HSF5: variants seen among roughly 807,000 people sequenced by gnomAD.
HSF5 encodes the protein heat shock factor protein 5.
Under a neutral mutation model 50.8 loss-of-function variants are expected in HSF5, and 5 were observed. The ratio of observed to expected loss-of-function variants is 0.10; its 90% CI spans 0.05 to 0.21. The LOEUF is 0.21. HSF5 is among the 10% of genes least tolerant of loss of function. The pLI, the probability that HSF5 is intolerant of heterozygous loss-of-function variation, is 1.00. For synonymous variants in HSF5, 307 were observed against 307.4 expected (o/e 1.00, Z 0.02); for missense variants, 564 against 762.6 (o/e 0.74, Z 3.07).
chr17:58,482,709 C>CAAAAAAAAAAA, intron 1 of HSF5, among the ~76,000 whole-genome samples: 1 of 13,460 alleles, frequency 7.4e-5, no homozygotes, highest in Non-Finnish European at 1.3e-4. Flanking sequence ...GACTCCATCT[C>CAAAAAAAAAAA]AAAAAAAAAA....
chr17:58,422,559 C>A, intron 5 of HSF5, 129 bp from the exon 6 acceptor site: 2 of 613,224 alleles, frequency 3.3e-6, no homozygotes, highest in Non-Finnish European at 5.6e-6. Flanking sequence ...ATAGTCCCAT[C>A]AGATTCTCAA....
chr17:58,468,630 A>G (rs931029877), intron 2 of HSF5, among the ~76,000 whole-genome samples: 41 of 152,188 alleles, frequency 2.7e-4, no homozygotes, highest in African/African-American at 9.9e-4. Context: ...TTTTTAAAAA[A>G]TAGCCGAAAT....
chr17:58,455,175 T>A (rs1974692567), intron 5 of HSF5, among the ~76,000 whole-genome samples: 1 of 152,140 alleles, frequency 6.6e-6, no homozygotes, highest in African/African-American at 2.4e-5. Flanking sequence ...AATAAATTTA[T>A]ACATTTATAG....
chr17:58,440,558 A>C (rs1042463854), intron 5 of HSF5, among the ~76,000 whole-genome samples: 1 of 152,218 alleles, frequency 6.6e-6, no homozygotes, highest in Non-Finnish European at 1.5e-5. Flanking sequence ...TACTATGTCC[A>C]GCATACAGCG....
At chr17:58,456,127 A>G (rs762666187) in intron 5 of HSF5, among the ~76,000 whole-genome samples, 8 of 146,194 alleles carry the variant, frequency 5.5e-5, no homozygotes, top group Non-Finnish European at 1.2e-4. Flanking sequence ...ATATATATAT[A>G]TATGTGTGTG....
rs965632864 is a variant in HSF5 at position 58,488,290 on chromosome 17, G to A, written c.-16C>T. ...GCGCCTCCATCGCCCCGCCGGGCCG[G>A]GGCCTCGCCCCCCGAGCCTAGCTCT... On this transcript the variant is annotated 5_prime_UTR_variant, in exon 1 of 6. Transcript: ENST00000323777. The surrounding 1 kb of genome is among the most constrained non-coding windows in gnomAD (Gnocchi z 4.1). The A allele has an allele frequency of 4.1e-6, 6 of 1,459,348 alleles. No homozygotes were observed. In the Admixed American group the frequency reaches 8.0e-5, roughly 20 times the overall value. The allele number at this position is 1,459,348 out of a possible 1,614,324, so 90.4% of individuals were successfully genotyped here.
At chr17:58,479,828 A>T (rs537414903) in intron 2 of HSF5, 65 bp downstream of exon 2, 2 of 1,357,698 alleles carry the variant, frequency 1.5e-6, no homozygotes, top group Non-Finnish European at 9.9e-7. Flanking sequence ...ATGCATTTAA[A>T]ATATATATAT....
At chr17:58,442,463 T>C (rs1974511382) in intron 5 of HSF5, among the ~76,000 whole-genome samples, 1 of 152,200 alleles carries the variant, frequency 6.6e-6, no homozygotes, top group African/African-American at 2.4e-5. Context: ...ATTATGATCT[T>C]TACTGTACAC....
In HSF5 at chr17:58,480,145, G is replaced by C; in HGVS notation, c.673C>G (p.Pro225Ala). Reference sequence around the variant, plus strand: ...TTCTGCCATATTCTATGAGGAACTGGGGTCCGATCTAAACCTTTCAGAGGG... The same window carrying C: ...TTCTGCCATATTCTATGAGGAACTGCGGTCCGATCTAAACCTTTCAGAGGG... ...TYPLKGLDRT[P>A]VPHRIWQNSL... is the part of the protein sequence containing the mutation. Residue 225 changes from proline (P) to alanine (A), a missense_variant, in exon 2 of 6, where the codon CCA (proline) becomes GCA (alanine). Physicochemically the swap from Pro to Ala is conservative, Grantham distance 27. Transcript: ENST00000323777. 2 of 1,614,172 alleles carry C rather than the reference G, an allele frequency of 1.2e-6. No individual in the cohort carries two copies. Among genetic ancestry groups the C allele is most frequent in the Non-Finnish European group, 1.7e-6 (2 of 1,180,040 alleles).
At chr17:58,431,930 G>C (rs1974369937) in intron 5 of HSF5, among the ~76,000 whole-genome samples, 1 of 152,100 alleles carries the variant, frequency 6.6e-6, no homozygotes, top group Admixed American at 6.6e-5. Context: ...AGCATTCAGG[G>C]GACAGTGGAA....
At chr17:58,476,866 C>CT in intron 2 of HSF5, 1 of 1,356,544 alleles carries the variant, frequency 7.4e-7, no homozygotes, top group African/African-American at 1.5e-5. Context: ...TTGCTTCTTG[C>CT]TGTTTTTTTT....
chr17:58,450,022 CAAAAAAAAA>C (rs71143248), intron 5 of HSF5, among the ~76,000 whole-genome samples: 22 of 76,566 alleles, frequency 2.9e-4, no homozygotes, highest in East Asian at 4.4e-4. Context: ...GACTCCGTCT[CAAAAAAAAA>C]AAAAAAAAAA....
intron 5 of HSF5, among the ~76,000 whole-genome samples, chr17:58,451,499 C>A (rs1477622367): frequency 1.3e-5 from 2 of 152,076 alleles, no homozygotes; most frequent in Non-Finnish European, 2.9e-5. Flanking sequence ...TCTTTTCTGA[C>A]CACATGCAAT....
chr17:58,487,431 G>C (rs920158882), intron 1 of HSF5, among the ~76,000 whole-genome samples: 2 of 152,352 alleles, frequency 1.3e-5, no homozygotes, highest in East Asian at 1.9e-4. Flanking sequence ...TCAAACCGGG[G>C]ACGAGTAGAA....
intron 5 of HSF5, among the ~76,000 whole-genome samples, chr17:58,423,679 C>T (rs1398810497): frequency 6.6e-6 from 1 of 151,896 alleles, no homozygotes; most frequent in African/African-American, 2.4e-5. Context: ...TGGGGTTTCA[C>T]TATGTTGGCC....
chr17:58,468,099 T>C (rs564152365), intron 2 of HSF5, among the ~76,000 whole-genome samples: 1 of 152,240 alleles, frequency 6.6e-6, no homozygotes, highest in African/African-American at 2.4e-5. Context: ...CACACGCTCT[T>C]TAATATACCA....
chr17:58,432,309 G>C (rs1974375835), intron 5 of HSF5, among the ~76,000 whole-genome samples: 1 of 152,032 alleles, frequency 6.6e-6, no homozygotes, highest in Non-Finnish European at 1.5e-5. Flanking sequence ...AAAATAGCAA[G>C]TAGTAATAGG....
intron 4 of HSF5, among the ~76,000 whole-genome samples, chr17:58,459,586 G>A (rs1286846788): frequency 6.6e-6 from 1 of 150,778 alleles, no homozygotes; most frequent in Non-Finnish European, 1.5e-5. Context: ...GATGGAGGTT[G>A]CAGTGAGCCG....
chr17:58,454,720 C>A (rs1396690522), intron 5 of HSF5, among the ~76,000 whole-genome samples: 1 of 152,058 alleles, frequency 6.6e-6, no homozygotes, highest in Non-Finnish European at 1.5e-5. Flanking sequence ...AATCAAGAAA[C>A]CAATTCCATT....
Sources: allele counts gnomAD v4.1 joint callset (sites outside exome capture counted in the v4.1 genomes callset), GRCh38; gene constraint gnomAD v4.1.1; non-coding constraint Gnocchi (gnomAD v3.1); transcripts MANE v1.5; gene names NCBI Gene and HGNC (gene_info 2026-07-23, HGNC 2026-07-21).